The following OSBPL10 variants were observed in gnomAD, a reference collection of about 807,000 sequenced individuals.
OSBPL10 encodes oxysterol-binding protein-related protein 10.
Under a neutral mutation model 81.7 loss-of-function variants are expected in OSBPL10, and 49 were observed. That is an observed-to-expected ratio of 0.60 (90% CI 0.48 to 0.76). OSBPL10 has a LOEUF of 0.76. Ranked by LOEUF, OSBPL10 falls within the 30% of genes least tolerant of loss-of-function variation. The pLI is 0.00. For missense variants in OSBPL10, 923 were observed against 987.8 expected (o/e 0.93, Z 0.88); for synonymous variants, 419 against 383.6 (o/e 1.09, Z -1.08).
chr3:31,757,130 A>T (rs187485167), intron 4 of OSBPL10, among the ~76,000 whole-genome samples: 1 of 152,152 alleles, frequency 6.6e-6, no homozygotes, highest in Non-Finnish European at 1.5e-5. Flanking sequence ...AAATAGGGGG[A>T]AAATATATTT....
intron 3 of OSBPL10, among the ~76,000 whole-genome samples, chr3:31,848,986 C>T (rs1324800955): frequency 1.3e-5 from 2 of 152,206 alleles, no homozygotes; most frequent in African/African-American, 4.8e-5. Context: ...TGGCTCTTTC[C>T]ACCTGAATCT....
intron 6 of OSBPL10, among the ~76,000 whole-genome samples, chr3:31,730,569 A>G (rs1696945036): frequency 6.6e-6 from 1 of 152,208 alleles, no homozygotes; most frequent in Non-Finnish European, 1.5e-5. Flanking sequence ...ATAGAAGAAT[A>G]TTTCATTTTC....
intron 1 of OSBPL10, among the ~76,000 whole-genome samples, chr3:31,895,773 G>A (rs1263010761): frequency 2.6e-5 from 4 of 152,132 alleles, no homozygotes; most frequent in East Asian, 1.9e-4. Flanking sequence ...TTCAAGAAAC[G>A]TACAGATATG....
chr3:31,673,020 C>T (rs571116849), intron 8 of OSBPL10, among the ~76,000 whole-genome samples: 1 of 152,316 alleles, frequency 6.6e-6, no homozygotes, highest in East Asian at 1.9e-4. Context: ...CCCCTCTTCT[C>T]CACTCCAACT....
chr3:32,009,305 A>C (rs1699231860), intron 2 of OSBPL10, among the ~76,000 whole-genome samples: 1 of 152,206 alleles, frequency 6.6e-6, no homozygotes, highest in Admixed American at 6.5e-5. Flanking sequence ...GGATAGGGAA[A>C]GAAGCTAATG....
chr3:31,983,085 G>A (rs1045340869), upstream of OSBPL10, among the ~76,000 whole-genome samples: 3 of 152,238 alleles, frequency 2.0e-5, no homozygotes, highest in Non-Finnish European at 4.4e-5. Context: ...TCCTAAGCCA[G>A]TTAGTGTTGG....
chr3:32,044,380 A>AAAT (rs1411276665), intron 2 of OSBPL10, among the ~76,000 whole-genome samples: 3 of 148,350 alleles, frequency 2.0e-5, no homozygotes, highest in Non-Finnish European at 4.5e-5. Context: ...TATATATAAT[A>AAAT]AATAATAATA....
rs1321118587 is a variant in OSBPL10, at chr3:31,702,539, G to A, written c.1096-31C>T. 6 of 1,613,264 alleles carry A rather than the reference G, an allele frequency of 3.7e-6. No homozygotes were observed. In the African/African-American group the frequency reaches 4.0e-5, roughly 11 times the overall value. ...ATGAAATAATCAATAAAAATCACCAGCTGGCCCAATAGAAGTTAGAAATAA... is the reference window on the plus strand; with the variant it reads ...ATGAAATAATCAATAAAAATCACCAACTGGCCCAATAGAAGTTAGAAATAA... On this transcript the variant is annotated intron_variant, in intron 6 of 11. Coordinates refer to ENST00000396556, the MANE Select transcript of OSBPL10 (RefSeq NM_017784.5).
In OSBPL10 at chr3:31,965,690, A is replaced by T. The variant is rs1206110204; in HGVS notation, c.281+15209T>A. ...TATTTTATATAATATATATTATATA[A>T]AATATATAATATATTATATAAAATA... On this transcript the variant is annotated intron_variant, in intron 1 of 11. Transcript: ENST00000396556. Among the ~76,000 whole-genome samples, 15 of 34,410 alleles carry T rather than the reference A, an allele frequency of 4.4e-4. 1 individual carries two copies. Among genetic ancestry groups the T allele is most frequent in the African/African-American group, 2.4e-3 (11 of 4,532 alleles). 22.6% of individuals were successfully genotyped at this position (34,410 alleles called of 152,430 possible).
intron 2 of OSBPL10, among the ~76,000 whole-genome samples, chr3:32,027,457 T>C (rs1460884315): frequency 6.6e-6 from 1 of 152,168 alleles, no homozygotes; most frequent in Non-Finnish European, 1.5e-5. Context: ...ATTAGCTTTA[T>C]CCATAATGTT....
At chr3:31,923,248 T>C (rs1483789084) in intron 1 of OSBPL10, among the ~76,000 whole-genome samples, 1 of 152,168 alleles carries the variant, frequency 6.6e-6, no homozygotes, top group African/African-American at 2.4e-5. Flanking sequence ...ACCAATTTGG[T>C]TAATTAACAT....
intron 1 of OSBPL10, among the ~76,000 whole-genome samples, chr3:31,895,400 G>A (rs866240971): frequency 2.6e-5 from 4 of 151,662 alleles, no homozygotes; most frequent in Admixed American, 1.3e-4. Flanking sequence ...GCCTCCCAAA[G>A]TGCTGGGATT....
intron 1 of OSBPL10, among the ~76,000 whole-genome samples, chr3:31,917,106 C>A (rs945268924): frequency 6.6e-6 from 1 of 152,156 alleles, no homozygotes; most frequent in African/African-American, 2.4e-5. Flanking sequence ...CAATAGGACA[C>A]TGGAGAATAA....
At chr3:31,783,827 T>TAA (rs1698786162) in intron 4 of OSBPL10, among the ~76,000 whole-genome samples, 1 of 43,490 alleles carries the variant, frequency 2.3e-5, no homozygotes, top group Non-Finnish European at 4.0e-5. Flanking sequence ...AAAAAAAATA[T>TAA]ATATATATAT....
chr3:31,748,594 A>G (rs1230902489), intron 4 of OSBPL10, among the ~76,000 whole-genome samples: 1 of 151,552 alleles, frequency 6.6e-6, no homozygotes, highest in Non-Finnish European at 1.5e-5. Flanking sequence ...TGGTGTTTGT[A>G]CAAAGGAGAT....
At chr3:31,776,038 C>A (rs961356840) in intron 4 of OSBPL10, among the ~76,000 whole-genome samples, 1 of 152,000 alleles carries the variant, frequency 6.6e-6, no homozygotes, top group Non-Finnish European at 1.5e-5. Flanking sequence ...CAGGAGGGTG[C>A]AATGATCTGG....
chr3:31,845,340 G>C (rs1382540460), intron 3 of OSBPL10, among the ~76,000 whole-genome samples: 2 of 151,916 alleles, frequency 1.3e-5, no homozygotes, highest in African/African-American at 4.8e-5. Flanking sequence ...TGTATACCCA[G>C]GGTAACTGGA....
At chr3:31,867,558 A>G (rs2125610595) in intron 3 of OSBPL10, among the ~76,000 whole-genome samples, 1 of 152,272 alleles carries the variant, frequency 6.6e-6, no homozygotes, top group South Asian at 2.1e-4. Context: ...CCTGGCCAAC[A>G]TGGTGAAACC....
chr3:31,755,529 CATT>C (rs1697860711), intron 4 of OSBPL10, among the ~76,000 whole-genome samples: 1 of 152,228 alleles, frequency 6.6e-6, no homozygotes, highest in East Asian at 1.9e-4. Flanking sequence ...TTCATGGTGT[CATT>C]ATTGAGGCTG....
Sources: allele counts gnomAD v4.1 joint callset (sites outside exome capture counted in the v4.1 genomes callset), GRCh38; gene constraint gnomAD v4.1.1; transcripts MANE v1.5; gene names NCBI Gene and HGNC (gene_info 2026-07-23, HGNC 2026-07-21).